ASTN2: variants seen among roughly 807,000 people sequenced by gnomAD.
The protein encoded by ASTN2 is astrotactin 2, also known as astrotactin-2.
In ASTN2, 54 loss-of-function variants were observed where a neutral mutation model predicts 139.8. That is an observed-to-expected ratio of 0.39 (90% CI 0.31 to 0.48). The LOEUF is 0.48. Among genes scored for constraint, ASTN2 ranks in the 20% least tolerant of loss-of-function variants. ASTN2 has a pLI of 0.95. For missense variants in ASTN2, 1,565 were observed against 1,725.1 expected (o/e 0.91, Z 1.64); for synonymous variants, 756 against 719.5 (o/e 1.05, Z -0.81).
chr9:117,126,279 G>A (rs1175146426), intron 4 of ASTN2, among the ~76,000 whole-genome samples: 1 of 152,144 alleles, frequency 6.6e-6, no homozygotes, highest in African/African-American at 2.4e-5. Context: ...AAGTCTTGGA[G>A]GTATGTGCTG....
chr9:116,839,879 T>G (rs1300951315), intron 11 of ASTN2, among the ~76,000 whole-genome samples: 5 of 107,494 alleles, frequency 4.7e-5, no homozygotes, highest in Middle Eastern at 4.4e-3. Context: ...ATTATTATTA[T>G]TATTTTTTTT....
chr9:116,712,904 C>T (rs1338301920), intron 16 of ASTN2, among the ~76,000 whole-genome samples: 1 of 152,076 alleles, frequency 6.6e-6, no homozygotes, highest in Non-Finnish European at 1.5e-5. Context: ...ATAATAAATG[C>T]CCAGCATACC....
At chr9:116,529,942 T>C (rs1369726677) in intron 19 of ASTN2, among the ~76,000 whole-genome samples, 1 of 151,720 alleles carries the variant, frequency 6.6e-6, no homozygotes, top group Non-Finnish European at 1.5e-5. Context: ...TATAGCAGTG[T>C]GTAAACAGAC....
intron 5 of ASTN2, among the ~76,000 whole-genome samples, chr9:117,049,555 G>A (rs1230583345): frequency 6.6e-6 from 1 of 152,198 alleles, no homozygotes; most frequent in Non-Finnish European, 1.5e-5. Flanking sequence ...CTGTGTTAAA[G>A]ATTGTATGTA....
At chr9:117,301,056 C>T (rs944535340) in intron 1 of ASTN2, among the ~76,000 whole-genome samples, 2 of 152,078 alleles carry the variant, frequency 1.3e-5, no homozygotes, top group African/African-American at 4.8e-5. Flanking sequence ...GAATTAAGAG[C>T]TATTGGCAAG....
chr9:116,958,514 G>C (rs565902899), intron 10 of ASTN2, among the ~76,000 whole-genome samples: 1 of 152,060 alleles, frequency 6.6e-6, no homozygotes, highest in Admixed American at 6.5e-5. Flanking sequence ...GCATGAACCC[G>C]GGAGGTGGAG....
chr9:117,376,090 C>G (rs887155501), intron 1 of ASTN2, among the ~76,000 whole-genome samples: 3 of 152,126 alleles, frequency 2.0e-5, no homozygotes, highest in Non-Finnish European at 4.4e-5. Context: ...TCTACAAAGT[C>G]TCTTTTTCCA....
intron 19 of ASTN2, among the ~76,000 whole-genome samples, chr9:116,538,545 G>C (rs1227314743): frequency 1.3e-5 from 2 of 152,160 alleles, no homozygotes. Context: ...TTCGACTTGT[G>C]AATTCTAAAT....
chr9:116,942,094 A>G (rs10983422), intron 10 of ASTN2, among the ~76,000 whole-genome samples: 89,809 of 145,966 alleles, frequency 0.62, 30,095 homozygotes, highest in Admixed American at 0.76. Context: ...ACGCACGCAC[A>G]CACACACACA....
intron 10 of ASTN2, among the ~76,000 whole-genome samples, chr9:116,937,886 C>T (rs1261931199): frequency 6.6e-6 from 1 of 152,150 alleles, no homozygotes; most frequent in Admixed American, 6.5e-5. Flanking sequence ...CACTGTCTAA[C>T]ATGGGAAGCA....
intron 19 of ASTN2, among the ~76,000 whole-genome samples, chr9:116,535,932 A>G (rs2119319778): frequency 6.6e-6 from 1 of 152,290 alleles, no homozygotes; most frequent in Non-Finnish European, 1.5e-5. Flanking sequence ...GTTCTCCTGG[A>G]TAACATCCTG....
At chr9:116,873,181 T>C (rs918624850) in intron 10 of ASTN2, among the ~76,000 whole-genome samples, 13 of 152,196 alleles carry the variant, frequency 8.5e-5, no homozygotes, top group African/African-American at 2.7e-4. Context: ...CCCCATTTCA[T>C]AGGAGAAAGA....
chr9:116,881,555 C>T (rs933472399), intron 10 of ASTN2, among the ~76,000 whole-genome samples: 3 of 152,196 alleles, frequency 2.0e-5, no homozygotes, highest in Non-Finnish European at 4.4e-5. Flanking sequence ...AATGATAAGC[C>T]ACTTAAAGCA....
chr9:116,635,244 C>CCCATCT (rs1224111608), intron 17 of ASTN2, among the ~76,000 whole-genome samples: 1 of 152,128 alleles, frequency 6.6e-6, no homozygotes, highest in East Asian at 1.9e-4. Context: ...TCATATTACT[C>CCCATCT]CCATCTTACA....
intron 11 of ASTN2, among the ~76,000 whole-genome samples, chr9:116,861,515 T>G (rs1832882476): frequency 6.6e-6 from 1 of 152,112 alleles, no homozygotes; most frequent in South Asian, 2.1e-4. Context: ...ATATGAAGGG[T>G]TAGGTTTCAA....
At chr9:116,838,589 A>ATTTT (rs34871450) in intron 11 of ASTN2, among the ~76,000 whole-genome samples, 3 of 130,142 alleles carry the variant, frequency 2.3e-5, no homozygotes, top group South Asian at 2.5e-4. Context: ...ATGCCCAGCA[A>ATTTT]TTTTTTTTTT....
intron 10 of ASTN2, among the ~76,000 whole-genome samples, chr9:116,919,877 G>T (rs1011552270): frequency 3.3e-5 from 5 of 150,950 alleles, no homozygotes; most frequent in African/African-American, 1.2e-4. Context: ...GGAGGTGAAG[G>T]CTGCAGTGAG....
intron 16 of ASTN2, among the ~76,000 whole-genome samples, chr9:116,682,117 A>C (rs1304347259): frequency 6.6e-6 from 1 of 152,036 alleles, no homozygotes; most frequent in East Asian, 1.9e-4. Flanking sequence ...AATTTTCGCA[A>C]CCTACTTATC....
intron 17 of ASTN2, among the ~76,000 whole-genome samples, chr9:116,650,988 T>C (rs998657261): frequency 2.4e-4 from 36 of 151,606 alleles, no homozygotes; most frequent in African/African-American, 8.2e-4. Flanking sequence ...CGATCTCGGC[T>C]CACTGCAACC....
Sources: gnomAD v4.1 joint callset for allele counts (sites outside exome capture counted in the v4.1 genomes callset) on GRCh38, gnomAD v4.1.1 for gene constraint, MANE v1.5 for transcripts, NCBI Gene and HGNC (gene_info 2026-07-23, HGNC 2026-07-21) for gene names.